F5: variants seen among roughly 807,000 people sequenced by gnomAD.
F5 encodes coagulation factor V.
In F5, 138 loss-of-function variants were observed where a neutral mutation model predicts 216.4. The ratio of observed to expected loss-of-function variants is 0.64; its 90% confidence interval spans 0.56 to 0.73. F5 has a LOEUF of 0.73. Among genes scored for constraint, F5 ranks in the 30% least tolerant of loss-of-function variants. The pLI is 0.00. For synonymous variants in F5, 916 were observed against 930.7 expected (o/e 0.98, Z 0.29); for missense variants, 2,403 against 2,674.0 (o/e 0.90, Z 2.24).
At chr1:169,530,743 C>T (rs766835964) in intron 15 of F5, 43 bp downstream of exon 15, 65 of 1,537,156 alleles carry the variant, frequency 4.2e-5, no homozygotes, top group Non-Finnish European at 3.7e-5. Flanking sequence ...CTTCAGATTA[C>T]GAGGTTAGGG....
At position 169,559,261 on chromosome 1, in the gene F5, C is replaced by G; in HGVS notation, c.622G>C (p.Asp208His). ...LTEGGTQKTF[D>H]KQIVLLFAVF... ...GCAAATAGTAGCACGATTTGCTTGT[C>G]AAACGTCTTCTGTGTCCCACCCTCA... The change falls in exon 5 of 25, where the codon GAC (aspartate) becomes CAC (histidine). Residue 208 changes from aspartate (D) to histidine (H), a missense_variant. Coordinates refer to ENST00000367797, the MANE Select transcript of F5 (RefSeq NM_000130.5). The G allele has an allele frequency of 1.2e-6, 2 of 1,613,802 alleles. No homozygotes were observed. The highest frequency in any genetic ancestry group is 1.7e-6 in the Non-Finnish European group (2 of 1,179,804).
chr1:169,559,112 T>C (rs754061790), intron 5 of F5, 41 bp downstream of exon 5: 3 of 1,612,134 alleles, frequency 1.9e-6, no homozygotes, highest in Non-Finnish European at 2.5e-6. Flanking sequence ...AAATTACTAA[T>C]GATTTTACTG....
At position 169,514,052 on chromosome 1, in the gene F5, A is replaced by G. The variant is rs1399841968; in HGVS notation, c.*261T>C. On this transcript the variant is annotated 3_prime_UTR_variant, in exon 25 of 25. Coordinates refer to ENST00000367797, the MANE Select transcript of F5 (RefSeq NM_000130.5). ...TTCATAGCATTTTCAATCATTAAGA[A>G]AGATAAGCCCTTTTCTTGTTGGTTC... 1 of 444,086 alleles carries G rather than the reference A, an allele frequency of 2.3e-6. No homozygotes were observed. The highest frequency in any genetic ancestry group is 2.0e-5 in the African/African-American group (1 of 50,666). 27.5% of individuals were successfully genotyped at this position (444,086 alleles called of 1,614,324 possible). A position where few individuals can be genotyped will look rare whatever the true frequency, so the allele number is the denominator to read the frequency against.
chr1:169,582,245 T>G (rs1661004834), intron 2 of F5, among the ~76,000 whole-genome samples, 186 bp downstream of exon 2: 1 of 152,066 alleles, frequency 6.6e-6, no homozygotes, highest in African/African-American at 2.4e-5. Flanking sequence ...TTTTCAATAA[T>G]ATGAACAAGG....
In F5 at chr1:169,560,636, G is replaced by A. The variant is rs778485149; in HGVS notation, c.504C>T (p.Leu168=). The change falls in exon 4 of 25, where the codon CTC becomes CTT. Residue 168 remains leucine, a synonymous_variant. Coordinates refer to ENST00000367797, the MANE Select transcript of F5 (RefSeq NM_000130.5). ...SGPTHDDPPC[L]THIYYSHENL... The stretch of plus-strand genomic sequence containing the variant: ...TTTCATGGGAGTAATAGATGTGTGT[G>A]AGGCATGGAGGGTCATCATGGGTGG... 1.9e-6 allele frequency: 3 copies of A among 1,613,818 alleles called. No individual in the cohort carries two copies. In the South Asian group the frequency reaches 3.3e-5, roughly 18 times the overall value.
In F5 at chr1:169,540,799, G is replaced by C. The variant is rs1036528811; in HGVS notation, c.4291C>G (p.Pro1431Ala). The change falls in exon 13 of 25, where the codon CCA becomes GCA. Residue 1431 changes from proline to alanine, a missense_variant. Coordinates refer to ENST00000367797, the MANE Select transcript of F5 (RefSeq NM_000130.5). Reference protein sequence around the residue: ...SPNFGQMSLSPDLSQVTLSPD... With the variant: ...SPNFGQMSLSADLSQVTLSPD... The stretch of plus-strand genomic sequence containing the variant: ...GAGAGAGTCACCTGGCTGAGGTCTG[G>C]GGAAAGGGACATCTGACCAAAGTTT... 3.2e-5 allele frequency: 52 copies of C among 1,613,908 alleles called. No homozygotes were observed. Among genetic ancestry groups the C allele is most frequent in the Non-Finnish European group, 4.2e-5 (50 of 1,179,996 alleles).
intron 3 of F5, among the ~76,000 whole-genome samples, chr1:169,561,743 C>T (rs3766119): frequency 5.3e-5 from 8 of 151,924 alleles, no homozygotes; most frequent in East Asian, 3.9e-4. Context: ...AAATTCTTTA[C>T]GAGAAGAAGG....
At chr1:169,567,137 C>T (rs1489970838) in intron 3 of F5, among the ~76,000 whole-genome samples, 3 of 151,754 alleles carry the variant, frequency 2.0e-5, no homozygotes, top group African/African-American at 7.3e-5. Context: ...CCATCTTCTC[C>T]TTGTATCCTC....
In F5 at chr1:169,540,961, G is replaced by A. The variant is rs1487326538; in HGVS notation, c.4129C>T (p.Pro1377Ser). 3.8e-6 allele frequency: 6 copies of A among 1,596,098 alleles called. No individual in the cohort carries two copies. In the East Asian group the frequency reaches 1.3e-4, roughly 36 times the overall value. ...SLDLSQTNLSPELSQTNLSPD... is the reference protein window; with the variant it reads ...SLDLSQTNLSSELSQTNLSPD... The stretch of plus-strand genomic sequence containing the variant: ...GAAAGGTTTGTCTGACTGAGTTCTG[G>A]AGAGAGGTTTGTCTGGCTGAGGTCT... Residue 1377 changes from proline (P) to serine (S), a missense_variant, in exon 13 of 25, where the codon CCA becomes TCA. Pro to Ser is a moderately conservative substitution (Grantham distance 74). This residue lies in a region of F5 where 293 missense variants were observed against 270.8 expected (regional missense o/e 1.08). Transcript: ENST00000367797.
At chr1:169,525,591 T>C (rs1659426970) in intron 18 of F5, among the ~76,000 whole-genome samples, 1 of 152,184 alleles carries the variant, frequency 6.6e-6, no homozygotes, top group Non-Finnish European at 1.5e-5. Flanking sequence ...CATTGTTAAA[T>C]TCCTGTGACC....
intron 3 of F5, among the ~76,000 whole-genome samples, chr1:169,569,982 G>A (rs905228588): frequency 2.6e-5 from 4 of 151,860 alleles, no homozygotes; most frequent in Non-Finnish European, 5.9e-5. Flanking sequence ...TAATGCAGAG[G>A]GCATAATAAA....
At chr1:169,560,406 C>G in intron 4 of F5, 148 bp downstream of exon 4, 3 of 725,060 alleles carry the variant, frequency 4.1e-6, no homozygotes, top group Non-Finnish European at 7.0e-6. Flanking sequence ...GTTTTTTTCT[C>G]TTGTCAAACA....
intron 14 of F5, among the ~76,000 whole-genome samples, chr1:169,532,385 A>G (rs948379167): frequency 6.6e-6 from 1 of 152,316 alleles, no homozygotes; most frequent in South Asian, 2.1e-4. Context: ...AGGCAACCAA[A>G]GAAGAAAAGA....
Position 169,578,095 on chromosome 1 carries a change from C to T in F5, c.250+4336G>A, listed in dbSNP as rs146658416. Among the ~76,000 whole-genome samples the T allele has an allele frequency of 6.0e-3, 919 of 152,264 alleles. 29 individuals are homozygous for T. The highest frequency in any genetic ancestry group is 0.047 in the Admixed American group (719 of 15,282). On this transcript the variant is annotated intron_variant, in intron 2 of 24. Coordinates refer to ENST00000367797, the MANE Select transcript of F5 (RefSeq NM_000130.5). Reference sequence around the variant, plus strand: ...GTCAAAATAAAAGGCTTTTCCTTCACGCCAGATTTGCCTCCTTGTATCAAC... The same window carrying T: ...GTCAAAATAAAAGGCTTTTCCTTCATGCCAGATTTGCCTCCTTGTATCAAC...
chr1:169,559,013 A>C, intron 5 of F5, 140 bp downstream of exon 5: 2 of 936,984 alleles, frequency 2.1e-6, no homozygotes, highest in Non-Finnish European at 3.3e-6. Flanking sequence ...TTTAAAAAAA[A>C]AAAGAGAAAA....
chr1:169,544,252 A>G (rs1398041826), intron 12 of F5, 44 bp downstream of exon 12: 4 of 1,574,864 alleles, frequency 2.5e-6, no homozygotes, highest in Middle Eastern at 1.7e-4. Flanking sequence ...TAGACCAGAA[A>G]TTCAAAGCAA....
At chr1:169,578,347 A>G (rs138955699) in intron 2 of F5, among the ~76,000 whole-genome samples, 147 of 152,362 alleles carry the variant, frequency 9.6e-4, no homozygotes, top group African/African-American at 3.4e-3. Flanking sequence ...TCTACCTCTA[A>G]CAAGGTTAAA....
chr1:169,538,519 G>C (rs986989831), intron 13 of F5, among the ~76,000 whole-genome samples: 9 of 152,158 alleles, frequency 5.9e-5, no homozygotes, highest in African/African-American at 2.2e-4. Flanking sequence ...TAATTAGCTT[G>C]ATTTAGCCAA....
At chr1:169,582,323 C>A in intron 2 of F5, 108 bp downstream of exon 2, 5 of 597,618 alleles carry the variant, frequency 8.4e-6, no homozygotes, top group Admixed American at 3.3e-5. Context: ...AAAAAAAAAC[C>A]ACACGTTTCT....
Sources: allele counts gnomAD v4.1 joint callset (sites outside exome capture counted in the v4.1 genomes callset), GRCh38; gene constraint gnomAD v4.1.1; regional missense constraint gnomAD v4.1.1; transcripts MANE v1.5; gene names NCBI Gene and HGNC (gene_info 2026-07-23, HGNC 2026-07-21).